Variants in PCDHGA3 observed in about 807,000 individuals in gnomAD.
PCDHGA3 encodes protocadherin gamma-A3.
In PCDHGA3, 40 loss-of-function variants were observed where a neutral mutation model predicts 58.5. That is an observed-to-expected ratio of 0.68 (90% CI 0.53 to 0.89). The LOEUF (loss-of-function observed/expected upper bound fraction) is 0.89. PCDHGA3 is among the 40% of genes least tolerant of loss of function. The pLI is 0.00. For missense variants in PCDHGA3, 1,223 were observed against 1,195.9 expected, an observed-to-expected ratio of 1.02 and a Z score of -0.33; for synonymous variants, 530 against 525.7, an observed-to-expected ratio of 1.01 and a Z score of -0.11.
intron 1 of PCDHGA3, among the ~76,000 whole-genome samples, chr5:141,349,454 G>A (rs1758297521): frequency 6.6e-6 from 1 of 152,140 alleles, no homozygotes; most frequent in Non-Finnish European, 1.5e-5. Flanking sequence ...ATAAAAGCAT[G>A]TATGTGTACC....
rs769514553 is a variant in PCDHGA3, at chr5:141,490,072, G to T, written c.2425-4735G>T. On this transcript the variant is annotated intron_variant, in intron 1 of 3. Transcript: ENST00000253812. The surrounding 1 kb of genome is among the most constrained non-coding windows in gnomAD (Gnocchi z 5.4). Reference sequence around the variant, plus strand: ...AGACGAGGGCACCAACGGCCAACTAGACTATTCTTTTGGAGACCACACATC... The same window carrying T: ...AGACGAGGGCACCAACGGCCAACTATACTATTCTTTTGGAGACCACACATC... 2 of 1,614,254 alleles carry T rather than the reference G, an allele frequency of 1.2e-6. No homozygotes were observed. Among genetic ancestry groups the T allele is most frequent in the South Asian group, 2.2e-5 (2 of 91,090 alleles).
At position 141,486,478 on chromosome 5, in the gene PCDHGA3, C is replaced by T; in HGVS notation, c.2425-8329C>T. The T allele has an allele frequency of 2.5e-6, 4 of 1,614,026 alleles. No homozygotes were observed. The highest frequency in any genetic ancestry group is 3.4e-6 in the Non-Finnish European group (4 of 1,179,854). On this transcript the variant is annotated intron_variant, in intron 1 of 3. Transcript: ENST00000253812. The surrounding 1 kb of genome is among the most constrained non-coding windows in gnomAD (Gnocchi z 5.0). ...CTTCTGATGCTGGGAACCCTCCTCT[C>T]AGTACCCACAGAACTATTTTCCTCA...
chr5:141,380,050 C>A (rs112095214), intron 1 of PCDHGA3, among the ~76,000 whole-genome samples: 11,568 of 151,826 alleles, frequency 0.076, 586 homozygotes, highest in African/African-American at 0.14. Context: ...CAGGTGCATG[C>A]CACCATGCCT....
In PCDHGA3 at chr5:141,346,324, G is replaced by T; in HGVS notation, c.2291G>T (p.Arg764Leu). Residue 764 changes from arginine (R) to leucine (L), a missense_variant, in exon 1 of 4, where the codon CGG (arginine) becomes CTG (leucine). By Grantham distance (102) the Arg-to-Leu change is moderately radical. Around this residue, in one of 3 missense-constraint regions of PCDHGA3, gnomAD observed 325 missense variants for 327.5 expected, o/e 0.99. Coordinates refer to ENST00000253812, the MANE Select transcript of PCDHGA3 (RefSeq NM_018916.4). ...SHEVSLTADSRKSHLIFPQPN... is the reference protein window; with the variant it reads ...SHEVSLTADSLKSHLIFPQPN... ...GAGGTCTCCCTCACTGCGGACTCGC[G>T]GAAGAGCCACCTGATTTTCCCCCAG... 6.2e-7 allele frequency: 1 copy of T among 1,614,166 alleles called. No homozygotes were observed. The highest frequency in any genetic ancestry group is 1.1e-5 in the South Asian group (1 of 91,078).
chr5:141,361,470 C>T, intron 1 of PCDHGA3: 1 of 1,614,060 alleles, frequency 6.2e-7, no homozygotes, highest in Admixed American at 1.7e-5. Flanking sequence ...TCTCCGACGT[C>T]AACGATAATG....
chr5:141,494,985 C>A, intron 2 of PCDHGA3, 120 bp downstream of exon 2: 1 of 1,559,680 alleles, frequency 6.4e-7, no homozygotes. Context: ...AGTTTGAGAT[C>A]CCAGGGAGGT....
chr5:141,368,946 T>C (rs1330631003), intron 1 of PCDHGA3, among the ~76,000 whole-genome samples: 1 of 152,202 alleles, frequency 6.6e-6, no homozygotes, highest in Non-Finnish European at 1.5e-5. Context: ...CTGGTTACTG[T>C]GAGTAGTTTA....
chr5:141,382,075 C>T (rs1474505918), intron 1 of PCDHGA3, among the ~76,000 whole-genome samples: 3 of 151,956 alleles, frequency 2.0e-5, no homozygotes, highest in Non-Finnish European at 4.4e-5. Flanking sequence ...GTGATCCGCC[C>T]GCCTCGGCCT....
rs148589854 is a variant in PCDHGA3, at chr5:141,393,112, C to T, written c.2424+46655C>T. ...CGGGAGGAGCTCTGCGCTCAGAGCC[C>T]GCGGTGTCTGATAAATATTAACACC... On this transcript the variant is annotated intron_variant, in intron 1 of 3. Transcript: ENST00000253812. 5.0e-3 allele frequency: 7,989 copies of T among 1,613,452 alleles called. 48 individuals carry two copies. The highest frequency in any genetic ancestry group is 9.4e-3 in the Admixed American group (566 of 60,028).
At chr5:141,366,618 C>G (rs781279706) in intron 1 of PCDHGA3, 26 of 1,614,114 alleles carry the variant, frequency 1.6e-5, no homozygotes, top group Middle Eastern at 3.3e-4. Flanking sequence ...ACCGCGGACT[C>G]GAGGAAGAGT....
intron 1 of PCDHGA3, chr5:141,378,119 G>T (rs1412148490): frequency 1.3e-5 from 2 of 152,132 alleles, no homozygotes; most frequent in South Asian, 2.1e-4. Flanking sequence ...TAGTGAACAC[G>T]TATTTGTTGA....
At chr5:141,422,849 C>T in intron 1 of PCDHGA3, 1 of 1,614,238 alleles carries the variant, frequency 6.2e-7, no homozygotes, top group Non-Finnish European at 8.5e-7. Context: ...AGCGGGGACC[C>T]GCCCCTCAGC....
chr5:141,478,434 T>C (rs747890986), intron 1 of PCDHGA3: 2 of 1,613,700 alleles, frequency 1.2e-6, no homozygotes, highest in East Asian at 2.2e-5. Flanking sequence ...GACCCGCTGC[T>C]GAAGAAACCT....
At chr5:141,419,239 C>A in intron 1 of PCDHGA3, 3 of 1,614,008 alleles carry the variant, frequency 1.9e-6, no homozygotes, top group Non-Finnish European at 2.5e-6. Flanking sequence ...ACCTGGTCCA[C>A]GTGCCAGAAA....
rs572892456 is a variant in PCDHGA3, at chr5:141,427,959, C to T, written c.2425-66848C>T. On this transcript the variant is annotated intron_variant, in intron 1 of 3. Coordinates refer to ENST00000253812, the MANE Select transcript of PCDHGA3 (RefSeq NM_018916.4). Reference sequence around the variant, plus strand: ...GGGCGACCTCAATGACAATGTGCCGCGGGTGCTGTACCCCGCGCTGGGGCC... The same window carrying T: ...GGGCGACCTCAATGACAATGTGCCGTGGGTGCTGTACCCCGCGCTGGGGCC... 3.8e-6 allele frequency: 6 copies of T among 1,588,886 alleles called. No individual in the cohort carries two copies. The East Asian group carries it at 1.1e-4, about 30-fold the overall frequency.
intron 1 of PCDHGA3, chr5:141,418,465 A>G (rs2096261082): frequency 6.2e-7 from 1 of 1,614,022 alleles, no homozygotes; most frequent in Non-Finnish European, 8.5e-7. Context: ...CTCTGGACCG[A>G]GAAACGCAGA....
intron 1 of PCDHGA3, chr5:141,396,465 C>T (rs1471669939): frequency 6.6e-6 from 1 of 152,072 alleles, no homozygotes; most frequent in African/African-American, 2.4e-5. Flanking sequence ...CTAAAAACTA[C>T]AAAAATTAGC....
rs1000775080 is a variant in PCDHGA3 at position 141,487,567 on chromosome 5, G to C, written c.2425-7240G>C. 2 of 1,614,168 alleles carry C rather than the reference G, an allele frequency of 1.2e-6. No individual in the cohort carries two copies. The highest frequency in any genetic ancestry group is 1.7e-6 in the Non-Finnish European group (2 of 1,180,036). ...CACCCAGTGCACCTATGGCAGGGGA[G>C]CCTGTTCGCCCAAGCTGCCCACCCT... On this transcript the variant is annotated intron_variant, in intron 1 of 3. Coordinates refer to ENST00000253812, the MANE Select transcript of PCDHGA3 (RefSeq NM_018916.4). The surrounding 1 kb of genome is among the most constrained non-coding windows in gnomAD (Gnocchi z 5.0).
At chr5:141,347,177 T>C (rs10477146) in intron 1 of PCDHGA3, among the ~76,000 whole-genome samples, 78 of 147,210 alleles carry the variant, frequency 5.3e-4, no homozygotes, top group African/African-American at 1.9e-3. Context: ...CTTTCTTTCT[T>C]TCTTGACAGG....
Sources: allele counts gnomAD v4.1 joint callset (sites outside exome capture counted in the v4.1 genomes callset), GRCh38; gene constraint gnomAD v4.1.1; regional missense constraint gnomAD v4.1.1; non-coding constraint Gnocchi (gnomAD v3.1); transcripts MANE v1.5; gene names NCBI Gene and HGNC (gene_info 2026-07-23, HGNC 2026-07-21).